LTBP1: variants seen among roughly 807,000 people sequenced by gnomAD.
LTBP1 encodes latent-transforming growth factor beta-binding protein 1.
In LTBP1, 129 loss-of-function variants were observed where a neutral mutation model predicts 207.6. That is an observed-to-expected ratio of 0.62 (90% confidence interval 0.54 to 0.72). The LOEUF (loss-of-function observed/expected upper bound fraction) is 0.72. LTBP1 is among the 30% of genes least tolerant of loss of function. The probability of loss-of-function intolerance (pLI) is 0.00; values close to 1 mark genes in which losing one functional copy is unlikely to be tolerated. For missense variants in LTBP1, 2,281 were observed against 2,217.2 expected, an observed-to-expected ratio of 1.03 and a Z score of -0.58; for synonymous variants, 963 against 833.7, an observed-to-expected ratio of 1.16 and a Z score of -2.67.
chr2:33,318,556 G>A (rs909267010), intron 24 of LTBP1, among the ~76,000 whole-genome samples: 7 of 152,126 alleles, frequency 4.6e-5, no homozygotes, highest in African/African-American at 1.7e-4. Flanking sequence ...AGAGTGTAAC[G>A]TGTCATATAT....
At chr2:33,088,052 C>T (rs921453822) in intron 3 of LTBP1, among the ~76,000 whole-genome samples, 9 of 152,172 alleles carry the variant, frequency 5.9e-5, no homozygotes, top group African/African-American at 2.2e-4. Flanking sequence ...GGTAAAATTC[C>T]TGGAAAGCAC....
In LTBP1 at chr2:32,947,068, T is replaced by C. The variant is rs1236713630; in HGVS notation, c.-257T>C. ...CCTCACCTTGCGCGGCCCGCTCCCCTCGCCCCTCCCCGCTCCCCGGGCTCC... is the reference window on the plus strand; with the variant it reads ...CCTCACCTTGCGCGGCCCGCTCCCCCCGCCCCTCCCCGCTCCCCGGGCTCC... On this transcript the variant is annotated 5_prime_UTR_variant, in exon 1 of 34. Transcript: ENST00000404816. 4 of 291,872 alleles carry C rather than the reference T, an allele frequency of 1.4e-5. No homozygotes were observed. The highest frequency in any genetic ancestry group is 8.9e-5 in the African/African-American group (4 of 45,116). The allele number at this position is 291,872 out of a possible 1,614,324, so 18.1% of individuals were successfully genotyped here.
chr2:33,047,811 A>G (rs111489180), intron 3 of LTBP1, among the ~76,000 whole-genome samples: 14,340 of 152,202 alleles, frequency 0.094, 898 homozygotes, highest in Non-Finnish European at 0.14. Flanking sequence ...TATTGGGTGC[A>G]TATATATTTA....
chr2:33,345,874 A>G (rs2149733722), intron 25 of LTBP1, among the ~76,000 whole-genome samples: 1 of 152,334 alleles, frequency 6.6e-6, no homozygotes, highest in South Asian at 2.1e-4. Context: ...TGAGCATTTC[A>G]GACTTTAAGT....
rs2093969437 is a variant in LTBP1 at position 33,300,557 on chromosome 2, T to G, written c.3342T>G (p.Ala1114=). 6.2e-6 allele frequency: 10 copies of G among 1,613,358 alleles called. No homozygotes were observed. In the South Asian group the frequency reaches 1.1e-4, roughly 18 times the overall value. Residue 1114 remains alanine, a synonymous_variant, in exon 21 of 34, where the codon GCT becomes GCG. Transcript: ENST00000404816. ...TCGQGYQLSA[A]KDQCEDIDEC... is the part of the protein sequence containing the mutation. ...GACAGGGGTACCAGCTGTCGGCAGCTAAAGACCAGTGTGAAGGTAAGAGGG... is the reference window on the plus strand; with the variant it reads ...GACAGGGGTACCAGCTGTCGGCAGCGAAAGACCAGTGTGAAGGTAAGAGGG...
At position 33,289,959 on chromosome 2, in the gene LTBP1, A is replaced by C. The variant is rs145799513; in HGVS notation, c.3113-3201A>C. Among the ~76,000 whole-genome samples, 148 of 152,236 alleles carry C rather than the reference A, an allele frequency of 9.7e-4. 1 individual carries two copies. Among genetic ancestry groups the C allele is most frequent in the Non-Finnish European group, 1.5e-3 (100 of 68,008 alleles). On this transcript the variant is annotated intron_variant, in intron 19 of 33. Coordinates refer to ENST00000404816, the MANE Select transcript of LTBP1 (RefSeq NM_206943.4). Reference sequence around the variant, plus strand: ...TGTTGCTGTAACGGAACACCTTGAGACTAGGTCATTTATGAAGAAGAGAGG... The same window carrying C: ...TGTTGCTGTAACGGAACACCTTGAGCCTAGGTCATTTATGAAGAAGAGAGG...
chr2:33,042,092 A>C (rs1024521260), intron 3 of LTBP1, among the ~76,000 whole-genome samples: 1 of 152,140 alleles, frequency 6.6e-6, no homozygotes, highest in African/African-American at 2.4e-5. Flanking sequence ...TTTTCTAGTG[A>C]TCAATCTTTT....
intron 2 of LTBP1, 55 bp from the exon 3 acceptor site, chr2:33,020,854 T>A: frequency 1.3e-6 from 2 of 1,484,538 alleles, no homozygotes; most frequent in Non-Finnish European, 1.8e-6. Context: ...TTGGAAAAAT[T>A]AGGAAGTCTA....
intron 5 of LTBP1, among the ~76,000 whole-genome samples, chr2:33,137,215 C>A (rs1026013552): frequency 3.9e-5 from 6 of 151,984 alleles, no homozygotes; most frequent in Non-Finnish European, 7.4e-5. Context: ...TTATTATTTG[C>A]AAAAAGTGAT....
chr2:33,181,741 T>G (rs912728826), intron 5 of LTBP1, among the ~76,000 whole-genome samples: 11 of 152,246 alleles, frequency 7.2e-5, no homozygotes, highest in Non-Finnish European at 1.5e-4. Flanking sequence ...TGGCTAGCCT[T>G]GTAACCAGCG....
chr2:33,309,942 G>A (rs796776105), intron 23 of LTBP1, among the ~76,000 whole-genome samples: 11 of 145,030 alleles, frequency 7.6e-5, no homozygotes, highest in Admixed American at 1.4e-4. Context: ...TCCAGTGCCC[G>A]CCATTGCTTT....
At chr2:33,143,972 T>G (rs561501088) in intron 5 of LTBP1, among the ~76,000 whole-genome samples, 1 of 152,192 alleles carries the variant, frequency 6.6e-6, no homozygotes, top group South Asian at 2.1e-4. Flanking sequence ...TGGAGGGCTA[T>G]TCTGAGGCTC....
At chr2:33,252,608 A>G in intron 10 of LTBP1, 69 bp from the exon 11 acceptor site, 3 of 1,414,570 alleles carry the variant, frequency 2.1e-6, no homozygotes, top group Non-Finnish European at 2.9e-6. Flanking sequence ...GGTTCATTTT[A>G]CTATCATTTG....
chr2:32,962,624 A>T (rs1208059762), intron 2 of LTBP1, among the ~76,000 whole-genome samples: 1 of 152,214 alleles, frequency 6.6e-6, no homozygotes, highest in African/African-American at 2.4e-5. Flanking sequence ...TTTTTGTTTT[A>T]CGAGAATGTA....
intron 9 of LTBP1, among the ~76,000 whole-genome samples, chr2:33,234,163 T>A (rs978683960): frequency 6.6e-6 from 1 of 152,224 alleles, no homozygotes; most frequent in Non-Finnish European, 1.5e-5. Flanking sequence ...TATCCATTGA[T>A]GTTTTTATTT....
chr2:32,965,041 A>ACAAAAAC (rs2148488210), intron 2 of LTBP1, among the ~76,000 whole-genome samples: 1 of 152,184 alleles, frequency 6.6e-6, no homozygotes, highest in Non-Finnish European at 1.5e-5. Context: ...TATCTTAATA[A>ACAAAAAC]AAAAAACAAA....
chr2:32,948,206 GA>G (rs1259194415), intron 1 of LTBP1, among the ~76,000 whole-genome samples: 1 of 152,102 alleles, frequency 6.6e-6, no homozygotes, highest in Non-Finnish European at 1.5e-5. Context: ...TCTAGCTAAT[GA>G]AAAAAATGTT....
Position 33,275,833 on chromosome 2 carries a change from G to T in LTBP1, c.2902G>T (p.Gly968Trp). 1 of 1,614,070 alleles carries T rather than the reference G, an allele frequency of 6.2e-7. No individual in the cohort carries two copies. Among genetic ancestry groups the T allele is most frequent in the Non-Finnish European group, 8.5e-7 (1 of 1,179,936 alleles). ...VDECLRPDVC[G>W]EGHCVNTVGA... is the part of the protein sequence containing the mutation. The stretch of plus-strand genomic sequence containing the variant: ...CGAATGCCTGAGGCCGGACGTCTGT[G>T]GGGAGGGGCACTGTGTCAATACTGT... The change falls in exon 18 of 34, where the codon GGG becomes TGG. Residue 968 changes from glycine (G) to tryptophan (W), a missense_variant. Around this residue, in one of 3 missense-constraint regions of LTBP1, gnomAD observed 1,671 missense variants for 1,634.8 expected, o/e 1.02. Transcript: ENST00000404816.
In LTBP1 at chr2:33,256,043, G is replaced by T. The variant is rs79777624; in HGVS notation, c.2168-1241G>T. Among the ~76,000 whole-genome samples the T allele has an allele frequency of 7.5e-3, 1,129 of 151,154 alleles. 9 individuals are homozygous for T. Among genetic ancestry groups the T allele is most frequent in the African/African-American group, 0.024 (1,006 of 41,198 alleles). On this transcript the variant is annotated intron_variant, in intron 11 of 33. Coordinates refer to ENST00000404816, the MANE Select transcript of LTBP1 (RefSeq NM_206943.4). ...CTTCACTATTCATGGGGATTATGCC[G>T]TGGAGGTTAGCAAATCACATGTGCT... is the stretch of plus-strand genomic sequence containing the variant.
Sources: gnomAD v4.1 joint callset for allele counts (sites outside exome capture counted in the v4.1 genomes callset) on GRCh38, gnomAD v4.1.1 for gene constraint, gnomAD v4.1.1 regional missense constraint, MANE v1.5 for transcripts, NCBI Gene and HGNC (gene_info 2026-07-23, HGNC 2026-07-21) for gene names.